The following AP3D1 variants were observed in gnomAD, a reference collection of about 807,000 sequenced individuals.
AP3D1 encodes the protein AP-3 complex subunit delta-1.
Under a neutral mutation model 147.6 loss-of-function variants are expected in AP3D1, and 51 were observed. The observed-to-expected ratio is 0.35, with a 90% CI of 0.28 to 0.44. The LOEUF is 0.44. Ranked by LOEUF, AP3D1 falls within the 20% of genes least tolerant of loss-of-function variation. The pLI, the probability that AP3D1 is intolerant of heterozygous loss-of-function variation, is 1.00. For missense variants in AP3D1, 1,421 were observed against 1,624.2 expected (o/e 0.87, Z 2.15); for synonymous variants, 760 against 663.0 (o/e 1.15, Z -2.25).
chr19:2,114,641 C>CCCCCA, intron 21 of AP3D1, 107 bp downstream of exon 21: 1 of 733,448 alleles, frequency 1.4e-6, no homozygotes, highest in Non-Finnish European at 2.3e-6. Context: ...CACCCCACCC[C>CCCCCA]AGCCTGCCCA....
Position 2,132,363 on chromosome 19 carries a change from G to A in AP3D1, c.462+108C>T, listed in dbSNP as rs113343053. 17,536 of 998,338 alleles carry A rather than the reference G, an allele frequency of 0.018. 215 individuals carry two copies. Among genetic ancestry groups the A allele is most frequent in the Non-Finnish European group, 0.02 (13,341 of 659,748 alleles). 61.8% of individuals were successfully genotyped at this position (998,338 alleles called of 1,614,324 possible). A position where few individuals can be genotyped will look rare whatever the true frequency, so the allele number is the denominator to read the frequency against. Reference sequence around the variant, plus strand: ...TCCCATTTCAGGCAGGCCACGCACCGGGGACCCCGGCCGGTTTCCGCATAG... The same window carrying A: ...TCCCATTTCAGGCAGGCCACGCACCAGGGACCCCGGCCGGTTTCCGCATAG... On this transcript the variant is annotated intron_variant, in intron 5 of 31. Transcript: ENST00000643116.
chr19:2,119,510 G>C (rs544737271), intron 14 of AP3D1, among the ~76,000 whole-genome samples: 1 of 152,136 alleles, frequency 6.6e-6, no homozygotes, highest in Admixed American at 6.5e-5. Context: ...TGGCTAACAC[G>C]GTGAAACCCC....
At chr19:2,141,734 C>G (rs2019224849) in intron 1 of AP3D1, among the ~76,000 whole-genome samples, 1 of 151,452 alleles carries the variant, frequency 6.6e-6, no homozygotes, top group Admixed American at 6.6e-5. Flanking sequence ...GCCACCATGC[C>G]CGGCCTTTTT....
rs567298221 is a variant in AP3D1, at chr19:2,162,677, C to T, written c.-103+1679G>A. On this transcript the variant is annotated intron_variant, in intron 1 of 14. Transcript: ENST00000643010. ...ACTGTGTGTCAAAAAACAAACCCCCCCACTCAAAAAAAAAACCCCAAAAAA... is the reference window on the plus strand; with the variant it reads ...ACTGTGTGTCAAAAAACAAACCCCCTCACTCAAAAAAAAAACCCCAAAAAA... 4.2e-5 allele frequency among the ~76,000 whole-genome samples: 5 copies of T among 119,064 alleles called. No homozygotes were observed. The South Asian group carries it at 1.3e-3, about 31-fold the overall frequency. The allele number at this position is 119,064 out of a possible 152,430, so 78.1% of individuals were successfully genotyped here.
intron 17 of AP3D1, 39 bp from the exon 18 acceptor site, chr19:2,116,317 G>A (rs1317536261): frequency 1.9e-6 from 3 of 1,597,544 alleles, no homozygotes; most frequent in South Asian, 1.1e-5. Context: ...AGAGAAGCGG[G>A]CAGGATACCC....
chr19:2,164,174 C>T, intron 1 of AP3D1: 4 of 1,200,082 alleles, frequency 3.3e-6, no homozygotes, highest in Non-Finnish European at 3.1e-6. Context: ...GCGGCGGCCG[C>T]GCGCGCGGAC....
chr19:2,157,580 T>G (rs1270313131), intron 1 of AP3D1, among the ~76,000 whole-genome samples: 1 of 140,802 alleles, frequency 7.1e-6, no homozygotes, highest in Non-Finnish European at 1.5e-5. Flanking sequence ...CATCCACCCA[T>G]CCACCCACCG....
At chr19:2,112,747 T>C (rs1223303694) in intron 24 of AP3D1, 113 bp downstream of exon 24, 3 of 728,582 alleles carry the variant, frequency 4.1e-6, no homozygotes, top group East Asian at 2.8e-5. Context: ...CCAACACAAA[T>C]GCGAGAGCAG....
chr19:2,130,521 G>C lies in AP3D1; in HGVS notation c.479C>G (p.Pro160Arg). The change falls in exon 6 of 32, where the codon CCC (proline) becomes CGC (arginine). Residue 160 changes from proline (P) to arginine (R), a missense_variant. Coordinates refer to ENST00000643116, the MANE Select transcript of AP3D1 (RefSeq NM_001261826.3). Reference sequence around the variant, plus strand: ...CAGCACAGCCTTCTTCCTGATGTAGGGCTTGGTGTGTGACATCTGCGGGGC... The same window carrying C: ...CAGCACAGCCTTCTTCCTGATGTAGCGCTTGGTGTGTGACATCTGCGGGGC... ...DIMTLMSHTK[P>R]YIRKKAVLIM... 6.2e-7 allele frequency: 1 copy of C among 1,613,982 alleles called. No individual in the cohort carries two copies.
At chr19:2,150,354 T>C (rs901047131) in intron 1 of AP3D1, among the ~76,000 whole-genome samples, 2 of 152,196 alleles carry the variant, frequency 1.3e-5, no homozygotes, top group African/African-American at 4.8e-5. Context: ...GTATCCTTAA[T>C]GAAGCCAGAC....
At chr19:2,159,907 G>A (rs899801905) in intron 1 of AP3D1, among the ~76,000 whole-genome samples, 1 of 151,902 alleles carries the variant, frequency 6.6e-6, no homozygotes, top group East Asian at 1.9e-4. Context: ...TAGTAGAGAC[G>A]GGGTTTCACC....
intron 31 of AP3D1, among the ~76,000 whole-genome samples, chr19:2,105,873 A>G (rs556087526): frequency 6.6e-6 from 1 of 152,102 alleles, no homozygotes; most frequent in South Asian, 2.1e-4. Flanking sequence ...AGGCAGGCGG[A>G]TCAGGAGTTT....
chr19:2,127,323 G>T, intron 8 of AP3D1, 122 bp from the exon 9 acceptor site: 1 of 1,042,666 alleles, frequency 9.6e-7, no homozygotes, highest in Non-Finnish European at 1.4e-6. Flanking sequence ...TGTGCCCCAG[G>T]AGGGAGCCCG....
rs1007715821 is a variant in AP3D1 at position 2,102,766 on chromosome 19, A to C, written c.3553-498T>G. ...AAATAAATAAATAAATAAATAAATA[A>C]ATAAATAAATAAATAAAATAAAAAT... On this transcript the variant is annotated intron_variant, in intron 31 of 31. Transcript: ENST00000643116. Among the ~76,000 whole-genome samples the C allele has an allele frequency of 1.8e-4, 27 of 149,072 alleles. No homozygotes were observed. The South Asian group carries it at 5.7e-3, about 32-fold the overall frequency.
rs2018489289 is a variant in AP3D1 at position 2,117,421 on chromosome 19, A to C, written c.1714-54T>G. 2.0e-6 allele frequency: 3 copies of C among 1,502,432 alleles called. No homozygotes were observed. In the African/African-American group the frequency reaches 4.2e-5, roughly 21 times the overall value. The allele number at this position is 1,502,432 out of a possible 1,614,324, so 93.1% of individuals were successfully genotyped here. A position where few individuals can be genotyped will look rare whatever the true frequency, so the allele number is the denominator to read the frequency against. On this transcript the variant is annotated intron_variant, in intron 15 of 31. Coordinates refer to ENST00000643116, the MANE Select transcript of AP3D1 (RefSeq NM_001261826.3). ...CACCTGCCCGGAAGGCCACTCGGCC[A>C]CCTTCAGGGACACGGGGTGGCTCAG...
chr19:2,162,149 G>A (rs2019712199), intron 1 of AP3D1, among the ~76,000 whole-genome samples: 1 of 148,508 alleles, frequency 6.7e-6, no homozygotes, highest in African/African-American at 2.5e-5. Flanking sequence ...GATTTCTCCT[G>A]CCTCAGCCTC....
At chr19:2,143,441 C>T (rs1362911365) in intron 1 of AP3D1, among the ~76,000 whole-genome samples, 4 of 151,270 alleles carry the variant, frequency 2.6e-5, no homozygotes, top group African/African-American at 7.3e-5. Context: ...GGGATTTCGC[C>T]GTGTTAGCCA....
intron 14 of AP3D1, among the ~76,000 whole-genome samples, chr19:2,120,648 G>A (rs751574116): frequency 6.6e-6 from 1 of 152,226 alleles, no homozygotes; most frequent in Non-Finnish European, 1.5e-5. Context: ...CCCGAGGGCA[G>A]AGGGCAGACA....
At chr19:2,149,892 T>C (rs2019459718) in intron 1 of AP3D1, among the ~76,000 whole-genome samples, 1 of 152,160 alleles carries the variant, frequency 6.6e-6, no homozygotes, top group Non-Finnish European at 1.5e-5. Context: ...ACCAGGCCCA[T>C]CAGCGATGCT....
Sources: gnomAD v4.1 joint callset for allele counts (sites outside exome capture counted in the v4.1 genomes callset) on GRCh38, gnomAD v4.1.1 for gene constraint, MANE v1.5 for transcripts, NCBI Gene and HGNC (gene_info 2026-07-23, HGNC 2026-07-21) for gene names.